Variants in CDH13 observed in about 807,000 individuals in gnomAD.
The protein encoded by CDH13 is cadherin 13.
In CDH13, 24 loss-of-function variants were observed where a neutral mutation model predicts 63.8. The observed-to-expected ratio is 0.38, with a 90% CI of 0.27 to 0.53. The LOEUF is 0.53. CDH13 is among the 20% of genes least tolerant of loss of function. CDH13 has a pLI of 0.85. For missense variants in CDH13, 1,049 were observed against 903.1 expected, an observed-to-expected ratio of 1.16 and a Z score of -2.07; for synonymous variants, 503 against 355.3, an observed-to-expected ratio of 1.42 and a Z score of -4.67.
intron 1 of CDH13, among the ~76,000 whole-genome samples, chr16:82,828,274 C>G (rs571727005): frequency 5.9e-5 from 9 of 152,256 alleles, no homozygotes; most frequent in African/African-American, 2.2e-4. Context: ...CACAGTCAGC[C>G]CTTCGTATCC....
chr16:83,201,197 T>A (rs559778184), intron 4 of CDH13, among the ~76,000 whole-genome samples: 4 of 152,296 alleles, frequency 2.6e-5, no homozygotes, highest in African/African-American at 9.6e-5. Context: ...ATAGCTTCTT[T>A]ATTTATTAAA....
chr16:83,494,818 G>T (rs1047281648), intron 7 of CDH13, among the ~76,000 whole-genome samples: 2 of 152,126 alleles, frequency 1.3e-5, no homozygotes, highest in Non-Finnish European at 2.9e-5. Context: ...CTCATTTGCT[G>T]TGCCTTTTCA....
At chr16:82,999,310 C>G (rs549424554) in intron 2 of CDH13, among the ~76,000 whole-genome samples, 3 of 152,208 alleles carry the variant, frequency 2.0e-5, no homozygotes, top group Admixed American at 2.0e-4. Flanking sequence ...TGCACATAAC[C>G]TTAGGGAGGT....
At chr16:83,128,624 G>A (rs570487118) in intron 4 of CDH13, among the ~76,000 whole-genome samples, 6 of 152,316 alleles carry the variant, frequency 3.9e-5, no homozygotes, top group African/African-American at 1.4e-4. Context: ...AATAAATTAT[G>A]TAGCCATCCT....
chr16:83,438,830 T>C (rs967506369), intron 6 of CDH13, among the ~76,000 whole-genome samples: 1 of 152,220 alleles, frequency 6.6e-6, no homozygotes, highest in African/African-American at 2.4e-5. Flanking sequence ...AGCAGTGACA[T>C]TGAAAGAACA....
At chr16:83,703,637 G>A (rs778245921) in intron 10 of CDH13, among the ~76,000 whole-genome samples, 9 of 152,152 alleles carry the variant, frequency 5.9e-5, no homozygotes. Context: ...GATTTTTCAT[G>A]TTTTCTTCAC....
chr16:83,481,811 C>T (rs541687325), intron 6 of CDH13, among the ~76,000 whole-genome samples: 44 of 152,232 alleles, frequency 2.9e-4, no homozygotes, highest in African/African-American at 1.0e-3. Flanking sequence ...TGTGTGGAAG[C>T]CCCAATGCGT....
chr16:83,373,206 C>G (rs893242835), intron 6 of CDH13, among the ~76,000 whole-genome samples: 3 of 152,130 alleles, frequency 2.0e-5, no homozygotes, highest in Admixed American at 1.3e-4. Flanking sequence ...ACGGCATGCT[C>G]AAACTAGGAC....
chr16:83,416,187 A>G (rs1476081467), intron 6 of CDH13, among the ~76,000 whole-genome samples: 1 of 152,246 alleles, frequency 6.6e-6, no homozygotes, highest in Non-Finnish European at 1.5e-5. Flanking sequence ...CATAAACTTA[A>G]CTAAGACAGT....
chr16:82,926,748 G>C (rs1359528569), intron 2 of CDH13, among the ~76,000 whole-genome samples: 1 of 152,174 alleles, frequency 6.6e-6, no homozygotes, highest in Non-Finnish European at 1.5e-5. Flanking sequence ...GTGAGGCATG[G>C]ACAGGAGGAC....
chr16:83,525,779 G>C (rs8054713), intron 7 of CDH13, among the ~76,000 whole-genome samples: 112,508 of 152,078 alleles, frequency 0.74, 41,984 homozygotes, highest in Non-Finnish European at 0.8. Context: ...TCCTTAAAAT[G>C]AAAGAATTTT....
intron 7 of CDH13, among the ~76,000 whole-genome samples, chr16:83,571,059 C>G (rs1023156750): frequency 2.7e-5 from 4 of 150,306 alleles, no homozygotes; most frequent in Admixed American, 2.0e-4. Flanking sequence ...CGTGAGGGAA[C>G]CACACTCACC....
At chr16:83,482,324 C>T (rs973874092) in intron 6 of CDH13, among the ~76,000 whole-genome samples, 7 of 152,108 alleles carry the variant, frequency 4.6e-5, no homozygotes, top group Admixed American at 1.3e-4. Context: ...GACCATGTGG[C>T]CCATCACAAA....
At chr16:83,077,619 A>G (rs1036578620) in intron 3 of CDH13, among the ~76,000 whole-genome samples, 1 of 152,150 alleles carries the variant, frequency 6.6e-6, no homozygotes, top group Non-Finnish European at 1.5e-5. Flanking sequence ...CTATTGATGG[A>G]TGTCTGAGTT....
chr16:83,752,209 G>A (rs1470462198), intron 11 of CDH13, among the ~76,000 whole-genome samples: 2 of 152,212 alleles, frequency 1.3e-5, no homozygotes, highest in Admixed American at 1.3e-4. Flanking sequence ...ATATAGCGTA[G>A]CATGGCTGGC....
chr16:83,265,215 C>T (rs1390940956), intron 5 of CDH13, among the ~76,000 whole-genome samples: 1 of 152,144 alleles, frequency 6.6e-6, no homozygotes, highest in Non-Finnish European at 1.5e-5. Flanking sequence ...TGCTTCTCAG[C>T]CATCACCCTG....
intron 2 of CDH13, among the ~76,000 whole-genome samples, chr16:82,874,255 G>C (rs1467347344): frequency 6.6e-6 from 1 of 152,102 alleles, no homozygotes; most frequent in East Asian, 1.9e-4. Flanking sequence ...TGAGTCTCTT[G>C]GATTTCAGAA....
intron 10 of CDH13, among the ~76,000 whole-genome samples, chr16:83,742,565 G>A (rs892085196): frequency 6.6e-6 from 1 of 152,152 alleles, no homozygotes; most frequent in African/African-American, 2.4e-5. Context: ...ACACTGAAAG[G>A]TTTATTAAAA....
chr16:83,007,253 A>G (rs528863943), intron 2 of CDH13, among the ~76,000 whole-genome samples: 1 of 152,290 alleles, frequency 6.6e-6, no homozygotes, highest in South Asian at 2.1e-4. Flanking sequence ...TAGTGATGTT[A>G]TGTTCATTGA....
Sources: gnomAD v4.1 joint callset for allele counts (sites outside exome capture counted in the v4.1 genomes callset) on GRCh38, gnomAD v4.1.1 for gene constraint, MANE v1.5 for transcripts, NCBI Gene and HGNC (gene_info 2026-07-23, HGNC 2026-07-21) for gene names.